Variants in PDE6A observed in about 807,000 individuals in gnomAD.
PDE6A encodes phosphodiesterase 6A, also known as rod cGMP-specific 3',5'-cyclic phosphodiesterase subunit alpha.
PDE6A carries 84 observed loss-of-function variants against 106.3 expected under a neutral mutation model. That is an observed-to-expected ratio of 0.79 (90% CI 0.66 to 0.95). The LOEUF is 0.95. PDE6A is among the 40% of genes least tolerant of loss of function. The pLI, the probability that PDE6A is intolerant of heterozygous loss-of-function variation, is 0.00. For synonymous variants in PDE6A, 394 were observed against 386.6 expected, an observed-to-expected ratio of 1.02 and a Z score of -0.23; for missense variants, 1,052 against 1,084.9, an observed-to-expected ratio of 0.97 and a Z score of 0.43.
chr5:149,915,080 G>A, intron 5 of PDE6A, 73 bp from the exon 6 acceptor site: 1 of 954,186 alleles, frequency 1.0e-6, no homozygotes, highest in African/African-American at 1.7e-5. Context: ...TGTCGCCCAG[G>A]CTGGAGTGCA....
chr5:149,901,826 G>A (rs910674418), intron 8 of PDE6A, among the ~76,000 whole-genome samples: 1 of 152,160 alleles, frequency 6.6e-6, no homozygotes, highest in African/African-American at 2.4e-5. Context: ...TTTTCATAAT[G>A]TTCTTGAAGG....
rs143980724 is a variant in PDE6A at position 149,868,112 on chromosome 5, A to T, written c.2182T>A (p.Trp728Arg). 3 of 1,614,124 alleles carry T rather than the reference A, an allele frequency of 1.9e-6. No individual in the cohort carries two copies. The highest frequency in any genetic ancestry group is 2.5e-6 in the Non-Finnish European group (3 of 1,180,012). ...ACDLSAITKP[W>R]EVQSQVALLV... ...GTTCATACCTGGCTCTGCACCTCCC[A>T]GGGTTTGGTGATGGCTGAGAGATCA... Residue 728 changes from tryptophan to arginine, a missense_variant, in exon 18 of 22, where the codon TGG becomes AGG. By Grantham distance (101) the Trp-to-Arg change is moderately radical (BLOSUM62 -3). This residue lies in a region of PDE6A where 913 missense variants were observed against 915.2 expected (regional missense o/e 1.00). Transcript: ENST00000255266.
At chr5:149,915,032 CTTTTTT>C (rs60750624) in intron 5 of PDE6A, 25 bp from the exon 6 acceptor site, 681 of 795,368 alleles carry the variant, frequency 8.6e-4, no homozygotes, top group East Asian at 1.0e-3. Flanking sequence ...AAAAATTATA[CTTTTTT>C]TTTTTTTTTT....
intron 17 of PDE6A, among the ~76,000 whole-genome samples, chr5:149,874,006 TAA>T (rs796307210): frequency 6.7e-4 from 85 of 127,776 alleles, no homozygotes; most frequent in East Asian, 6.6e-4. Context: ...ACCCTGTCTC[TAA>T]AAAAAAAAAA....
intron 18 of PDE6A, 66 bp downstream of exon 18, chr5:149,868,029 A>G: frequency 6.7e-7 from 1 of 1,493,178 alleles, no homozygotes; most frequent in South Asian, 1.1e-5. Flanking sequence ...GAGAGAGTCC[A>G]AGCCTCATGA....
rs776918069 is a variant in PDE6A at position 149,895,222 on chromosome 5, G to A, written c.1689C>T (p.His563=). ...YRKITYHNWR[H]GFNVGQTMFS... is the part of the protein sequence containing the mutation. ...ACATGGTCTGCCCCACGTTGAAGCC[G>A]TGCCGCCAGTTGTGGTAGGTGATCT... The change falls in exon 13 of 22, where the codon CAC becomes CAT. Residue 563 remains histidine, a synonymous_variant. Transcript: ENST00000255266. 33 of 1,613,932 alleles carry A rather than the reference G, an allele frequency of 2.0e-5. No individual in the cohort carries two copies. The highest frequency in any genetic ancestry group is 2.7e-5 in the African/African-American group (2 of 74,930).
intron 6 of PDE6A, among the ~76,000 whole-genome samples, chr5:149,913,730 G>C (rs1237041846): frequency 6.6e-6 from 1 of 152,188 alleles, no homozygotes; most frequent in Non-Finnish European, 1.5e-5. Context: ...TGAGAAAAAG[G>C]GCCATGTCTC....
At chr5:149,902,546 C>T (rs529255568) in intron 8 of PDE6A, among the ~76,000 whole-genome samples, 5 of 151,390 alleles carry the variant, frequency 3.3e-5, no homozygotes, top group African/African-American at 9.7e-5. Context: ...GAAGGTCAGG[C>T]GCGGTAGCTC....
chr5:149,907,361 T>A lies in PDE6A; in HGVS notation c.1016A>T (p.His339Leu), dbSNP rs755174137. ...IKVIPNPPPD[H>L]WALVSGLPAY... Reference sequence around the variant, plus strand: ...TGGGAGACCGCTTACTAAAGCCCAATGGTCAGGAGGTGGATTCCTGTGAAG... The same window carrying A: ...TGGGAGACCGCTTACTAAAGCCCAAAGGTCAGGAGGTGGATTCCTGTGAAG... Residue 339 changes from histidine to leucine, a missense_variant, in exon 7 of 22, where the codon CAT becomes CTT. His to Leu is a moderately conservative substitution (Grantham distance 99, BLOSUM62 -3). This residue lies in a region of PDE6A where 913 missense variants were observed against 915.2 expected (regional missense o/e 1.00). Transcript: ENST00000255266. The A allele has an allele frequency of 1.9e-6, 3 of 1,614,052 alleles. No individual in the cohort carries two copies. Among genetic ancestry groups the A allele is most frequent in the Non-Finnish European group, 2.5e-6 (3 of 1,179,912 alleles).
intron 12 of PDE6A, 47 bp downstream of exon 12, chr5:149,896,309 G>A: frequency 6.7e-7 from 1 of 1,487,652 alleles, no homozygotes; most frequent in Non-Finnish European, 9.4e-7. Context: ...AAGCAAGCAA[G>A]AAAGAAAATT....
chr5:149,892,352 G>C (rs1297799534), intron 13 of PDE6A, among the ~76,000 whole-genome samples: 1 of 152,048 alleles, frequency 6.6e-6, no homozygotes, highest in Non-Finnish European at 1.5e-5. Context: ...TCCCTTGTGA[G>C]GAATTCTTGA....
intron 12 of PDE6A, among the ~76,000 whole-genome samples, chr5:149,896,105 T>G (rs1182817777): frequency 1.3e-5 from 2 of 152,192 alleles, no homozygotes; most frequent in African/African-American, 4.8e-5. Flanking sequence ...ATTCCCAGCC[T>G]TCAGGGCTTA....
At chr5:149,877,275 C>CA (rs1359136210) in intron 17 of PDE6A, among the ~76,000 whole-genome samples, 3 of 152,016 alleles carry the variant, frequency 2.0e-5, no homozygotes, top group Non-Finnish European at 2.9e-5. Flanking sequence ...AACTCTTGAA[C>CA]AAATAGTCTG....
chr5:149,882,259 C>T (rs192933739), intron 17 of PDE6A, among the ~76,000 whole-genome samples: 2 of 151,966 alleles, frequency 1.3e-5, no homozygotes, highest in African/African-American at 2.4e-5. Context: ...GCTGCTGCCC[C>T]CCCCGTTTCC....
intron 1 of PDE6A, 24 bp from the exon 2 acceptor site, chr5:149,934,742 C>T (rs370748890): frequency 1.1e-5 from 17 of 1,612,654 alleles, no homozygotes; most frequent in African/African-American, 2.7e-5. Context: ...GAGATAAGCA[C>T]GGACAGGCAA....
chr5:149,886,665 A>T (rs1016530601), intron 13 of PDE6A, among the ~76,000 whole-genome samples: 1 of 152,198 alleles, frequency 6.6e-6, no homozygotes, highest in Non-Finnish European at 1.5e-5. Context: ...TCGGTAGCCC[A>T]ATCTCCATAA....
intron 17 of PDE6A, among the ~76,000 whole-genome samples, chr5:149,880,738 TA>T (rs1354683699): frequency 1.3e-5 from 2 of 151,672 alleles, no homozygotes; most frequent in East Asian, 3.9e-4. Flanking sequence ...AGTCAATAAA[TA>T]AATAACCAAA....
At chr5:149,914,075 G>T (rs963747460) in intron 6 of PDE6A, among the ~76,000 whole-genome samples, 3 of 152,166 alleles carry the variant, frequency 2.0e-5, no homozygotes, top group African/African-American at 7.2e-5. Context: ...GCAGAAAACA[G>T]TTGAAAATCC....
chr5:149,939,590 T>G (rs1399569560), intron 1 of PDE6A, among the ~76,000 whole-genome samples: 1 of 152,194 alleles, frequency 6.6e-6, no homozygotes, highest in Admixed American at 6.5e-5. Context: ...TAGGAGCCAT[T>G]ACGGTGTGCC....
Sources: gnomAD v4.1 joint callset for allele counts (sites outside exome capture counted in the v4.1 genomes callset) on GRCh38, gnomAD v4.1.1 for gene constraint, gnomAD v4.1.1 regional missense constraint, MANE v1.5 for transcripts, NCBI Gene and HGNC (gene_info 2026-07-23, HGNC 2026-07-21) for gene names.